The following PLVAP variants were observed in gnomAD, a reference collection of about 807,000 sequenced individuals.
The protein encoded by PLVAP is plasmalemma vesicle associated protein.
Under a neutral mutation model 43.1 loss-of-function variants are expected in PLVAP, and 34 were observed. The ratio of observed to expected loss-of-function variants is 0.79; its 90% CI spans 0.60 to 1.05. The LOEUF (loss-of-function observed/expected upper bound fraction) is 1.05. PLVAP is among the 50% of genes least tolerant of loss of function. The probability of loss-of-function intolerance (pLI) is 0.00; values close to 1 mark genes in which losing one functional copy is unlikely to be tolerated. For synonymous variants in PLVAP, 241 were observed against 237.3 expected, an observed-to-expected ratio of 1.02 and a Z score of -0.14; for missense variants, 574 against 593.4, an observed-to-expected ratio of 0.97 and a Z score of 0.34.
chr19:17,373,326 C>G (rs1164292887), intron 1 of PLVAP, among the ~76,000 whole-genome samples: 1 of 151,912 alleles, frequency 6.6e-6, no homozygotes, highest in Non-Finnish European at 1.5e-5. Context: ...CGGATAGAGA[C>G]AGGGCCCTAC....
At position 17,369,902 on chromosome 19, in the gene PLVAP, C is replaced by G. The variant is rs924168816; in HGVS notation, c.370-3707G>C. ...CCTGTAATCCCAGCTACTTGGGAGGCTGAGGCAGAAGAATTGCTTGAACCC... is the reference window on the plus strand; with the variant it reads ...CCTGTAATCCCAGCTACTTGGGAGGGTGAGGCAGAAGAATTGCTTGAACCC... On this transcript the variant is annotated intron_variant, in intron 1 of 5. Transcript: ENST00000252590. Among the ~76,000 whole-genome samples the G allele has an allele frequency of 6.2e-5, 9 of 145,656 alleles. No individual in the cohort carries two copies. In the South Asian group the frequency reaches 8.8e-4, roughly 14 times the overall value.
chr19:17,360,652 GC>G (rs1014317991), intron 4 of PLVAP, 43 bp from the exon 5 acceptor site: 4 of 1,588,250 alleles, frequency 2.5e-6, no homozygotes, highest in Non-Finnish European at 2.6e-6. Flanking sequence ...AGCTTCAGTT[GC>G]CCCTGCCCCT....
intron 1 of PLVAP, among the ~76,000 whole-genome samples, chr19:17,376,367 G>A (rs1340062735): frequency 2.0e-5 from 3 of 151,920 alleles, no homozygotes; most frequent in African/African-American, 4.8e-5. Context: ...GTGCACGCCT[G>A]TAGTCCCAGC....
chr19:17,374,334 G>A (rs867666600), intron 1 of PLVAP, among the ~76,000 whole-genome samples: 4 of 151,918 alleles, frequency 2.6e-5, no homozygotes, highest in African/African-American at 9.7e-5. Flanking sequence ...GCATGACGGC[G>A]GGCGCCTGTA....
intron 1 of PLVAP, among the ~76,000 whole-genome samples, chr19:17,370,512 T>C (rs2074568031): frequency 6.6e-6 from 1 of 152,042 alleles, no homozygotes; most frequent in South Asian, 2.1e-4. Flanking sequence ...CCCAAAAACA[T>C]GATGCCTAAG....
intron 1 of PLVAP, among the ~76,000 whole-genome samples, chr19:17,374,664 CGCCCAGGCTG>C (rs1432521511): frequency 1.3e-5 from 2 of 151,546 alleles, no homozygotes; most frequent in African/African-American, 4.8e-5. Context: ...CTCACTCAGT[CGCCCAGGCTG>C]GAGTACAGTG....
At position 17,352,290 on chromosome 19, in the gene PLVAP, G is replaced by A. The variant is rs1456404822; in HGVS notation, c.*72C>T. ...GCGGGAGGGGGTTGTGTCGGGCGCTGTGAGCATATCCCTGCATCCTCCGCA... is the reference window on the plus strand; with the variant it reads ...GCGGGAGGGGGTTGTGTCGGGCGCTATGAGCATATCCCTGCATCCTCCGCA... On this transcript the variant is annotated 3_prime_UTR_variant, in exon 6 of 6. Transcript: ENST00000252590. The A allele has an allele frequency of 1.3e-5, 21 of 1,592,786 alleles. No individual in the cohort carries two copies. The highest frequency in any genetic ancestry group is 1.8e-5 in the Non-Finnish European group (21 of 1,162,678).
At chr19:17,374,599 CTG>C (rs2074587257) in intron 1 of PLVAP, among the ~76,000 whole-genome samples, 1 of 152,060 alleles carries the variant, frequency 6.6e-6, no homozygotes, top group Non-Finnish European at 1.5e-5. Flanking sequence ...GAACAAAACA[CTG>C]TGAACTTTTA....
Position 17,365,301 on chromosome 19 carries a change from G to A in PLVAP, c.1164C>T (p.Thr388=). 1 of 1,611,314 alleles carries A rather than the reference G, an allele frequency of 6.2e-7. No individual in the cohort carries two copies. Among genetic ancestry groups the A allele is most frequent in the African/African-American group, 1.3e-5 (1 of 75,020 alleles). Residue 388 remains threonine, a synonymous_variant, in exon 3 of 6, where the codon ACC becomes ACT. Transcript: ENST00000252590. ...ELAIRNSALD[T]CIKTKSQPMM... is the part of the protein sequence containing the mutation. ...GCAAGCCCACCTTGGTCTTGATGCA[G>A]GTGTCCAGGGCTGAGTTTCTGATGG...
At chr19:17,369,946 T>C (rs2145725251) in intron 1 of PLVAP, among the ~76,000 whole-genome samples, 1 of 137,206 alleles carries the variant, frequency 7.3e-6, no homozygotes, top group East Asian at 2.1e-4. Flanking sequence ...GAGGTTGCAG[T>C]GAGCCACGAT....
chr19:17,358,673 C>G (rs2074515980), intron 5 of PLVAP, among the ~76,000 whole-genome samples: 1 of 152,204 alleles, frequency 6.6e-6, no homozygotes, highest in Non-Finnish European at 1.5e-5. Context: ...AGGCAGCAAG[C>G]CATGACCTGA....
rs774009238 is a variant in PLVAP, at chr19:17,365,378, T to C, written c.1087A>G (p.Lys363Glu). 1.9e-6 allele frequency: 3 copies of C among 1,613,362 alleles called. No homozygotes were observed. Among genetic ancestry groups the C allele is most frequent in the Admixed American group, 3.3e-5 (2 of 60,000 alleles). The change falls in exon 3 of 6, where the codon AAG becomes GAG. Residue 363 changes from lysine (K) to glutamate (E), a missense_variant. Lys to Glu is a moderately conservative substitution (Grantham distance 56). Transcript: ENST00000252590. ...VLRKERDNLAKELEEKKREAE... is the reference protein window; with the variant it reads ...VLRKERDNLAEELEEKKREAE... The stretch of plus-strand genomic sequence containing the variant: ...TCCCTCTTCTTCTCTTCCAGCTCCT[T>C]GGCCAGGTTGTCTCGTTCCTTCCGC...
chr19:17,376,467 A>G (rs534661583), intron 1 of PLVAP, among the ~76,000 whole-genome samples: 1 of 151,776 alleles, frequency 6.6e-6, no homozygotes, highest in Non-Finnish European at 1.5e-5. Context: ...CATCCAGCCC[A>G]GGATACACAT....
At chr19:17,369,568 G>A (rs2074563666) in intron 1 of PLVAP, among the ~76,000 whole-genome samples, 1 of 149,434 alleles carries the variant, frequency 6.7e-6, no homozygotes. Context: ...CCGGGAGGCG[G>A]AGGTTGCAGT....
chr19:17,361,791 C>T (rs1337179726), intron 3 of PLVAP, among the ~76,000 whole-genome samples: 1 of 152,156 alleles, frequency 6.6e-6, no homozygotes, highest in Non-Finnish European at 1.5e-5. Flanking sequence ...CGTTTCGGGC[C>T]AGGCGTGGTG....
intron 1 of PLVAP, among the ~76,000 whole-genome samples, chr19:17,372,168 G>C (rs907274892): frequency 6.6e-6 from 1 of 151,272 alleles, no homozygotes; most frequent in Non-Finnish European, 1.5e-5. Context: ...GGTGTCTTGG[G>C]AGGCTGAGGC....
At chr19:17,355,561 C>G (rs1287711221) in intron 5 of PLVAP, among the ~76,000 whole-genome samples, 2 of 148,046 alleles carry the variant, frequency 1.4e-5, no homozygotes, top group Non-Finnish European at 3.0e-5. Flanking sequence ...CAGTGTCTCG[C>G]TCTGTAGCCC....
chr19:17,371,342 G>A (rs1458350542), intron 1 of PLVAP, among the ~76,000 whole-genome samples: 1 of 151,322 alleles, frequency 6.6e-6, no homozygotes, highest in Non-Finnish European at 1.5e-5. Context: ...TTGTATTTTA[G>A]TAGAGACGGG....
chr19:17,357,901 A>G (rs1248951200), intron 5 of PLVAP, among the ~76,000 whole-genome samples: 2 of 152,126 alleles, frequency 1.3e-5, no homozygotes, highest in African/African-American at 4.8e-5. Context: ...GGGGTAAACA[A>G]TGTCAAGAGC....
Sources: allele counts gnomAD v4.1 joint callset (sites outside exome capture counted in the v4.1 genomes callset), GRCh38; gene constraint gnomAD v4.1.1; transcripts MANE v1.5; gene names NCBI Gene and HGNC (gene_info 2026-07-23, HGNC 2026-07-21).